Variants in MACF1 observed in about 807,000 individuals in gnomAD.
The protein encoded by MACF1 is microtubule actin crosslinking factor 1.
In MACF1, 193 loss-of-function variants were observed where a neutral mutation model predicts 854.8. That is an observed-to-expected ratio of 0.23 (90% CI 0.20 to 0.25). The LOEUF (loss-of-function observed/expected upper bound fraction) is 0.25, where lower values mean the gene tolerates loss of function less well. Among genes scored for constraint, MACF1 ranks in the 10% least tolerant of loss-of-function variants. MACF1 has a pLI of 1.00. For missense variants in MACF1, 7,722 were observed against 8,929.1 expected, an observed-to-expected ratio of 0.86 and a Z score of 5.45; for synonymous variants, 3,185 against 3,226.7, an observed-to-expected ratio of 0.99 and a Z score of 0.44.
chr1:39,193,874 G>A (rs756812219), intron 2 of MACF1, among the ~76,000 whole-genome samples: 4 of 151,398 alleles, frequency 2.6e-5, no homozygotes, highest in Non-Finnish European at 4.4e-5. Flanking sequence ...AGACAGTTTC[G>A]CTGTTGTTGC....
chr1:39,273,908 A>T (rs1208976991), intron 6 of MACF1, among the ~76,000 whole-genome samples: 1 of 152,308 alleles, frequency 6.6e-6, no homozygotes, highest in East Asian at 1.9e-4. Context: ...TTTTAAAAAA[A>T]TTTTACTTAA....
intron 89 of MACF1, chr1:39,457,506 A>G (rs777611478): frequency 6.6e-5 from 10 of 152,352 alleles, no homozygotes; most frequent in Non-Finnish European, 1.2e-4. Context: ...AGCCAGAGTG[A>G]TAGCTGTAAA....
intron 58 of MACF1, among the ~76,000 whole-genome samples, chr1:39,420,864 AT>A (rs922511626): frequency 0.056 from 7,399 of 133,180 alleles, 181 homozygotes; most frequent in African/African-American, 0.087. Flanking sequence ...GAGAAACCCA[AT>A]TTTTTTTTTT....
rs139087218 is a variant in MACF1 at position 39,331,593 on chromosome 1, T to C, written c.5005T>C (p.Cys1669Arg). 1.9e-6 allele frequency: 3 copies of C among 1,614,174 alleles called. No individual in the cohort carries two copies. The highest frequency in any genetic ancestry group is 8.5e-7 in the Non-Finnish European group (1 of 1,180,028). ...GGFSLSPSENCINLEEAFHQG... is the reference protein window; with the variant it reads ...GGFSLSPSENRINLEEAFHQG... Reference sequence around the variant, plus strand: ...TTTCAGTCTTTCCCCTAGTGAGAACTGTATTAACCTGGAAGAGGCTTTTCA... The same window carrying C: ...TTTCAGTCTTTCCCCTAGTGAGAACCGTATTAACCTGGAAGAGGCTTTTCA... Residue 1669 changes from cysteine (C) to arginine (R), a missense_variant, in exon 37 of 101, where the codon TGT (cysteine) becomes CGT (arginine). Transcript: ENST00000564288.
intron 2 of MACF1, among the ~76,000 whole-genome samples, chr1:39,148,233 T>C (rs1643507112): frequency 6.6e-6 from 1 of 152,222 alleles, no homozygotes; most frequent in African/African-American, 2.4e-5. Context: ...GGCTGTACTT[T>C]CTTCATCTTT....
intron 2 of MACF1, among the ~76,000 whole-genome samples, chr1:39,179,365 A>T (rs1644074494): frequency 6.6e-6 from 1 of 152,206 alleles, no homozygotes. Flanking sequence ...TGGGAGAGTC[A>T]GGATACTGGA....
chr1:39,388,499 T>C lies in MACF1; in HGVS notation c.15657T>C (p.Arg5219=). The change falls in exon 58 of 101, where the codon CGT becomes CGC. Residue 5219 remains arginine (R), a synonymous_variant. Coordinates refer to ENST00000564288, the MANE Select transcript of MACF1 (RefSeq NM_001394062.1). ...CGKLTERGKA[R]QEQLELTLGR... ...AACTGACAGAGAGGGGGAAAGCTCGTCAGGAACAGCTGGAACTGACACTAG... is the reference window on the plus strand; with the variant it reads ...AACTGACAGAGAGGGGGAAAGCTCGCCAGGAACAGCTGGAACTGACACTAG... 1 of 1,614,086 alleles carries C rather than the reference T, an allele frequency of 6.2e-7. No homozygotes were observed. The highest frequency in any genetic ancestry group is 8.5e-7 in the Non-Finnish European group (1 of 1,180,012).
chr1:39,103,147 A>G, intron 2 of MACF1: 1 of 431,338 alleles, frequency 2.3e-6, no homozygotes, highest in Admixed American at 3.4e-5. Flanking sequence ...TGTTTCTTAA[A>G]AGGAATCTCA....
chr1:39,258,521 A>G (rs1026545124), intron 6 of MACF1, among the ~76,000 whole-genome samples: 6 of 152,258 alleles, frequency 3.9e-5, no homozygotes, highest in Non-Finnish European at 2.9e-5. Flanking sequence ...ACAACCTTGC[A>G]GCGGCCATCA....
intron 53 of MACF1, among the ~76,000 whole-genome samples, chr1:39,378,945 G>A (rs1649953231): frequency 6.6e-6 from 1 of 152,230 alleles, no homozygotes; most frequent in Non-Finnish European, 1.5e-5. Context: ...TTCTTACTTT[G>A]CTCCCTTCAC....
intron 26 of MACF1, among the ~76,000 whole-genome samples, chr1:39,311,466 A>G (rs1259740795): frequency 1.3e-5 from 2 of 152,216 alleles, no homozygotes; most frequent in African/African-American, 4.8e-5. Flanking sequence ...ACTTTCTTGT[A>G]AAATGGAGAT....
intron 17 of MACF1, 26 bp from the exon 18 acceptor site, chr1:39,293,432 A>G: frequency 6.3e-7 from 1 of 1,588,432 alleles, no homozygotes; most frequent in Non-Finnish European, 8.6e-7. Context: ...CTGCCAGTCT[A>G]ATCTTATAAT....
rs201618029 is a variant in MACF1, at chr1:39,387,473, G to T, written c.14631G>T (p.Leu4877Phe). Residue 4877 changes from leucine to phenylalanine, a missense_variant, in exon 58 of 101, where the codon TTG becomes TTT. This residue lies in a region of MACF1 where 2,807 missense variants were observed against 3,235.8 expected (regional missense o/e 0.87). Coordinates refer to ENST00000564288, the MANE Select transcript of MACF1 (RefSeq NM_001394062.1). ...GEEKRTLQNQ[L>F]VELKNHWEEL... ...AGAAAAGGACTCTACAAAACCAGTT[G>T]GTTGAGCTCAAAAACCATTGGGAAG... 1 of 1,614,038 alleles carries T rather than the reference G, an allele frequency of 6.2e-7. No individual in the cohort carries two copies. The highest frequency in any genetic ancestry group is 8.5e-7 in the Non-Finnish European group (1 of 1,180,014).
At chr1:39,451,713 G>A (rs904174399) in intron 85 of MACF1, among the ~76,000 whole-genome samples, 1 of 152,100 alleles carries the variant, frequency 6.6e-6, no homozygotes, top group Non-Finnish European at 1.5e-5. Context: ...TATGTGCACA[G>A]CAGATGTTTT....
At chr1:39,306,218 G>C (rs1646172161) in intron 23 of MACF1, among the ~76,000 whole-genome samples, 2 of 150,764 alleles carry the variant, frequency 1.3e-5, no homozygotes, top group Admixed American at 1.3e-4. Flanking sequence ...GGAGTGCAGT[G>C]GTGCAATCTG....
chr1:39,276,490 C>G (rs1203220955), intron 6 of MACF1, among the ~76,000 whole-genome samples: 1 of 152,182 alleles, frequency 6.6e-6, no homozygotes, highest in African/African-American at 2.4e-5. Flanking sequence ...TTTAAACCTT[C>G]TCATTTTAAC....
At chr1:39,126,319 T>C (rs150632255) in intron 2 of MACF1, among the ~76,000 whole-genome samples, 1 of 152,214 alleles carries the variant, frequency 6.6e-6, no homozygotes, top group Non-Finnish European at 1.5e-5. Flanking sequence ...CATCTGTATA[T>C]GTCTGTCTGT....
intron 26 of MACF1, among the ~76,000 whole-genome samples, chr1:39,315,117 C>G (rs1194710248): frequency 6.6e-6 from 1 of 152,214 alleles, no homozygotes; most frequent in Admixed American, 6.5e-5. Flanking sequence ...CTTTTATCCC[C>G]TTTGCCTTCC....
intron 2 of MACF1, among the ~76,000 whole-genome samples, chr1:39,146,076 T>C (rs1483639904): frequency 6.6e-6 from 1 of 152,206 alleles, no homozygotes; most frequent in African/African-American, 2.4e-5. Context: ...TGGACTCACA[T>C]GTTTATTACA....
Sources: allele counts gnomAD v4.1 joint callset (sites outside exome capture counted in the v4.1 genomes callset), GRCh38; gene constraint gnomAD v4.1.1; regional missense constraint gnomAD v4.1.1; transcripts MANE v1.5; gene names NCBI Gene and HGNC (gene_info 2026-07-23, HGNC 2026-07-21).